ITSN1: variants seen among roughly 807,000 people sequenced by gnomAD.
The protein encoded by ITSN1 is intersectin-1.
ITSN1 carries 58 observed loss-of-function variants against 239.8 expected under a neutral mutation model. That is an observed-to-expected ratio of 0.24 (90% confidence interval 0.20 to 0.30). The LOEUF (loss-of-function observed/expected upper bound fraction) is 0.30, where lower values mean the gene tolerates loss of function less well. Among genes scored for constraint, ITSN1 ranks in the 10% least tolerant of loss-of-function variants. The pLI, the probability that ITSN1 is intolerant of heterozygous loss-of-function variation, is 1.00. For missense variants in ITSN1, 1,558 were observed against 2,103.3 expected (o/e 0.74, Z 5.07); for synonymous variants, 780 against 770.8 (o/e 1.01, Z -0.20).
intron 1 of ITSN1, among the ~76,000 whole-genome samples, chr21:33,676,456 G>A (rs915445408): frequency 6.6e-6 from 1 of 152,156 alleles, no homozygotes; most frequent in East Asian, 1.9e-4. Flanking sequence ...TTCAACTCCT[G>A]GGCTCAAGCA....
At chr21:33,788,028 G>C (rs915956664) in intron 16 of ITSN1, among the ~76,000 whole-genome samples, 1 of 152,096 alleles carries the variant, frequency 6.6e-6, no homozygotes, top group African/African-American at 2.4e-5. Flanking sequence ...TTTAATAAAA[G>C]ATAATTTGGG....
At position 33,794,344 on chromosome 21, in the gene ITSN1, C is replaced by T. The variant is rs772020474; in HGVS notation, c.1828C>T (p.Leu610=). The change falls in exon 17 of 40, where the codon CTA becomes TTA. Residue 610 remains leucine, a synonymous_variant. Coordinates refer to ENST00000381318, the MANE Select transcript of ITSN1 (RefSeq NM_003024.3). ...IDIFNNQLKE[L]REIHNKQQLQ... ...ACTGTTTCTCGGTTAATTATAGGAA[C>T]TAAGAGAAATACACAATAAGCAACA... 7 of 1,609,528 alleles carry T rather than the reference C, an allele frequency of 4.3e-6. No individual in the cohort carries two copies. The highest frequency in any genetic ancestry group is 5.9e-6 in the Non-Finnish European group (7 of 1,177,620).
chr21:33,771,490 G>A (rs1449219075), intron 11 of ITSN1, among the ~76,000 whole-genome samples: 1 of 152,208 alleles, frequency 6.6e-6, no homozygotes, highest in African/African-American at 2.4e-5. Flanking sequence ...GAAAAAAAAG[G>A]ATAGAACTGA....
intron 3 of ITSN1, 39 bp from the exon 4 acceptor site, chr21:33,722,544 GTTTTT>G (rs373376953): frequency 3.1e-6 from 4 of 1,284,410 alleles, no homozygotes; most frequent in Non-Finnish European, 4.1e-6. Context: ...GTCAGCTGTT[GTTTTT>G]TTTTTTTTTT....
rs201107589 is a variant in ITSN1 at position 33,799,912 on chromosome 21, C to G, written c.2287C>G (p.Pro763Ala). 2 of 1,613,678 alleles carry G rather than the reference C, an allele frequency of 1.2e-6. No individual in the cohort carries two copies. Among genetic ancestry groups the G allele is most frequent in the African/African-American group, 2.7e-5 (2 of 75,026 alleles). Residue 763 changes from proline (P) to alanine (A), a missense_variant, in exon 19 of 40, where the codon CCA becomes GCA. Transcript: ENST00000381318. ...AAGCCATGATGAAATCACTATCCAG[C>G]CAGGAGACATAGTCATGGTAAGAAA... ...SRSHDEITIQ[P>A]GDIVMVKGEW...
intron 12 of ITSN1, among the ~76,000 whole-genome samples, chr21:33,773,976 G>A (rs760252441): frequency 3.3e-5 from 5 of 152,108 alleles, no homozygotes; most frequent in Admixed American, 6.5e-5. Context: ...CACTGCGCCC[G>A]GCCCCGTAAC....
chr21:33,878,090 C>T (rs1984303677), intron 34 of ITSN1, among the ~76,000 whole-genome samples: 1 of 151,300 alleles, frequency 6.6e-6, no homozygotes, highest in African/African-American at 2.4e-5. Context: ...GGCTGGAGTG[C>T]AGTGGCACAA....
Position 33,898,949 on chromosome 21 carries a change from C to T in ITSN1, c.*10649C>T, listed in dbSNP as rs1348006641. 2 of 152,240 alleles carry T rather than the reference C, an allele frequency of 1.3e-5. No individual in the cohort carries two copies. The highest frequency in any genetic ancestry group is 2.9e-5 in the Non-Finnish European group (2 of 68,060). 9.4% of individuals were successfully genotyped at this position (152,240 alleles called of 1,614,324 possible). On this transcript the variant is annotated 3_prime_UTR_variant, in exon 40 of 40. Coordinates refer to ENST00000381318, the MANE Select transcript of ITSN1 (RefSeq NM_003024.3). ...CACTGTCCATGTGGTCCATAACTGG[C>T]TTTATTCCCAAAGATGGAGCTGTTC...
At chr21:33,722,834 A>T (rs915535953) in intron 4 of ITSN1, among the ~76,000 whole-genome samples, 183 bp downstream of exon 4, 15 of 152,218 alleles carry the variant, frequency 9.9e-5, no homozygotes, top group Non-Finnish European at 2.2e-4. Context: ...TATGGAACTA[A>T]AACAAAACAA....
At position 33,797,886 on chromosome 21, in the gene ITSN1, C is replaced by T. The variant is rs2071685218; in HGVS notation, c.2182+278C>T. The stretch of plus-strand genomic sequence containing the variant: ...CGTGAAGTTCCAGTGGTCTTATATG[C>T]TGCAAAAGAACCTGCTGTTTCTCTG... On this transcript the variant is annotated intron_variant, in intron 18 of 39. Transcript: ENST00000381318. This position sits in a 1 kb window ranked among gnomAD's most constrained non-coding sequence, Gnocchi z 4.9. Among the ~76,000 whole-genome samples the T allele has an allele frequency of 6.6e-6, 1 of 152,158 alleles. No homozygotes were observed. The highest frequency in any genetic ancestry group is 1.5e-5 in the Non-Finnish European group (1 of 68,020).
chr21:33,654,219 ATT>A (rs912312736), intron 1 of ITSN1, among the ~76,000 whole-genome samples: 36 of 133,274 alleles, frequency 2.7e-4, no homozygotes, highest in Admixed American at 2.3e-4. Flanking sequence ...CACCTGGCTA[ATT>A]TTTTTTTTTT....
intron 33 of ITSN1, among the ~76,000 whole-genome samples, chr21:33,871,149 A>G (rs1464692257): frequency 1.3e-5 from 2 of 151,780 alleles, no homozygotes; most frequent in African/African-American, 4.8e-5. Flanking sequence ...AACAAAAAAC[A>G]AAAACCCAAA....
chr21:33,741,876 C>A (rs2066873451), intron 5 of ITSN1, among the ~76,000 whole-genome samples: 2 of 105,178 alleles, frequency 1.9e-5, no homozygotes, highest in Admixed American at 2.9e-4. Context: ...TCCTGGGCGA[C>A]AGAGCGAGAT....
chr21:33,838,232 T>C, intron 29 of ITSN1: 1 of 985,362 alleles, frequency 1.0e-6, no homozygotes, highest in Non-Finnish European at 1.2e-6. Context: ...ACAATCTAGC[T>C]GTCCTCCTAA....
chr21:33,814,938 A>G (rs1053323748), intron 22 of ITSN1, among the ~76,000 whole-genome samples: 4 of 152,198 alleles, frequency 2.6e-5, no homozygotes, highest in Admixed American at 2.0e-4. Context: ...GGTTGGAGTC[A>G]CAATGCCTAT....
intron 33 of ITSN1, among the ~76,000 whole-genome samples, chr21:33,867,964 G>T (rs867938390): frequency 6.6e-6 from 1 of 152,158 alleles, no homozygotes; most frequent in Non-Finnish European, 1.5e-5. Context: ...AGACTTTCGC[G>T]GTGTTACAGC....
At chr21:33,794,195 T>C in intron 16 of ITSN1, 146 bp from the exon 17 acceptor site, 1 of 611,092 alleles carries the variant, frequency 1.6e-6, no homozygotes, top group Non-Finnish European at 2.9e-6. Flanking sequence ...GGTGTGATTC[T>C]AGCTTTCCAA....
rs191963682 is a variant in ITSN1, at chr21:33,773,255, G to A, written c.1305+932G>A. Among the ~76,000 whole-genome samples the A allele has an allele frequency of 3.7e-3, 561 of 152,112 alleles. 3 individuals are homozygous for A. The highest frequency in any genetic ancestry group is 0.013 in the African/African-American group (543 of 41,482). ...GCTCCTGACCTCGGGTGATCCACCC[G>A]CCTCAGCCTCCCAAAGTGCTGGGAT... On this transcript the variant is annotated intron_variant, in intron 12 of 39. Transcript: ENST00000381318.
chr21:33,665,419 C>A (rs1421740779), intron 1 of ITSN1, among the ~76,000 whole-genome samples: 1 of 152,032 alleles, frequency 6.6e-6, no homozygotes, highest in Non-Finnish European at 1.5e-5. Flanking sequence ...AAATGGAAAT[C>A]AAAACTATGA....
Sources: gnomAD v4.1 joint callset for allele counts (sites outside exome capture counted in the v4.1 genomes callset) on GRCh38, gnomAD v4.1.1 for gene constraint, Gnocchi (gnomAD v3.1) non-coding constraint, MANE v1.5 for transcripts, NCBI Gene and HGNC (gene_info 2026-07-23, HGNC 2026-07-21) for gene names.